Variants in SH3BP5 observed in about 807,000 individuals in gnomAD.
The protein encoded by SH3BP5 is SH3 domain binding protein 5.
In SH3BP5, 22 loss-of-function variants were observed where a neutral mutation model predicts 43.3. The observed-to-expected ratio is 0.51, with a 90% confidence interval of 0.36 to 0.73. SH3BP5 has a LOEUF of 0.73. SH3BP5 is among the 30% of genes least tolerant of loss of function. The pLI is 0.00. For synonymous variants in SH3BP5, 255 were observed against 225.8 expected (o/e 1.13, Z -1.16); for missense variants, 529 against 586.9 (o/e 0.90, Z 1.02).
intron 3 of SH3BP5, among the ~76,000 whole-genome samples, chr3:15,286,157 A>C (rs1289460465): frequency 2.0e-5 from 3 of 152,208 alleles, no homozygotes; most frequent in African/African-American, 7.2e-5. Flanking sequence ...AAGGGCATAC[A>C]CAGCTAGTGG....
At chr3:15,316,686 T>C (rs1698194650) in intron 2 of SH3BP5, among the ~76,000 whole-genome samples, 2 of 152,062 alleles carry the variant, frequency 1.3e-5, no homozygotes, top group Admixed American at 6.6e-5. Context: ...CCTCGAATTT[T>C]TTTATGATAT....
intron 2 of SH3BP5, among the ~76,000 whole-genome samples, chr3:15,329,530 G>A (rs1418107323): frequency 9.2e-5 from 14 of 152,192 alleles, no homozygotes. Context: ...CATCCACATT[G>A]CTGCATCCAG....
intron 2 of SH3BP5, among the ~76,000 whole-genome samples, chr3:15,324,856 CAAAAA>C (rs373214083): frequency 1.8e-5 from 2 of 114,238 alleles, no homozygotes; most frequent in Non-Finnish European, 1.8e-5. Flanking sequence ...TCCTTGGGTC[CAAAAA>C]AAAAAAAAAA....
intron 3 of SH3BP5, among the ~76,000 whole-genome samples, chr3:15,298,445 C>A (rs745556420): frequency 6.6e-6 from 1 of 152,186 alleles, no homozygotes; most frequent in Non-Finnish European, 1.5e-5. Flanking sequence ...GCCCCACAGA[C>A]ACAAAACAGG....
chr3:15,267,566 GCCCTT>G (rs1171853450), intron 4 of SH3BP5, among the ~76,000 whole-genome samples: 1 of 152,148 alleles, frequency 6.6e-6, no homozygotes, highest in Admixed American at 6.5e-5. Flanking sequence ...AACCAAATGG[GCCCTT>G]CCCTTCAGTG....
intron 3 of SH3BP5, among the ~76,000 whole-genome samples, chr3:15,289,018 G>A (rs764486465): frequency 4.6e-5 from 7 of 152,162 alleles, no homozygotes; most frequent in Non-Finnish European, 8.8e-5. Flanking sequence ...CCATAGATAC[G>A]GAGATACAGG....
intron 2 of SH3BP5, among the ~76,000 whole-genome samples, chr3:15,320,889 C>T (rs550057721): frequency 6.6e-5 from 10 of 152,134 alleles, no homozygotes; most frequent in Non-Finnish European, 1.2e-4. Flanking sequence ...GTAGGAAAGT[C>T]GGCGTGTACT....
chr3:15,265,458 A>G (rs1696599290), intron 4 of SH3BP5, among the ~76,000 whole-genome samples: 1 of 148,450 alleles, frequency 6.7e-6, no homozygotes, highest in South Asian at 2.1e-4. Flanking sequence ...GGAGGTTGCA[A>G]TGAGCCAAGA....
At chr3:15,271,408 G>T (rs967617111) in intron 3 of SH3BP5, among the ~76,000 whole-genome samples, 5 of 152,000 alleles carry the variant, frequency 3.3e-5, no homozygotes, top group Non-Finnish European at 7.4e-5. Flanking sequence ...GGCTGGGCAC[G>T]GTGGCTCAAA....
intron 3 of SH3BP5, among the ~76,000 whole-genome samples, chr3:15,286,233 G>C (rs1201703528): frequency 2.0e-5 from 3 of 152,222 alleles, no homozygotes; most frequent in Admixed American, 2.0e-4. Flanking sequence ...GATGGGAATG[G>C]CCTAGTGACA....
chr3:15,277,637 A>C (rs939341468), intron 3 of SH3BP5, among the ~76,000 whole-genome samples: 1 of 152,128 alleles, frequency 6.6e-6, no homozygotes, highest in African/African-American at 2.4e-5. Flanking sequence ...CCCCATTCAC[A>C]GGGGAGCCAG....
At chr3:15,315,938 T>C (rs1460073941) in intron 2 of SH3BP5, among the ~76,000 whole-genome samples, 2 of 152,228 alleles carry the variant, frequency 1.3e-5, no homozygotes, top group East Asian at 1.9e-4. Flanking sequence ...CATCCACTTA[T>C]ATAACCAGAG....
chr3:15,277,812 A>AC (rs113462450), intron 3 of SH3BP5, among the ~76,000 whole-genome samples: 29,730 of 151,784 alleles, frequency 0.2, 3,324 homozygotes, highest in African/African-American at 0.3. Flanking sequence ...GTATGCATAC[A>AC]CCCCCCCAGC....
chr3:15,317,522 G>C (rs184145176), intron 2 of SH3BP5, among the ~76,000 whole-genome samples: 38 of 152,326 alleles, frequency 2.5e-4, no homozygotes, highest in Admixed American at 1.0e-3. Context: ...CATTGGAATA[G>C]AACTAGGGGT....
chr3:15,309,176 G>C (rs982072866), intron 2 of SH3BP5, among the ~76,000 whole-genome samples: 2 of 152,124 alleles, frequency 1.3e-5, no homozygotes, highest in African/African-American at 2.4e-5. Context: ...ATACTACTTG[G>C]TCATAGAAAT....
rs1230359433 is a variant in SH3BP5, at chr3:15,292,635, G to T, written c.330+11468C>A. ...AGGCCAAGGTGGGTGGATCACCTGA[G>T]GTCAAGAGTTTGAGACCAGCCTGAC... is the stretch of plus-strand genomic sequence containing the variant. On this transcript the variant is annotated intron_variant, in intron 3 of 8. Coordinates refer to ENST00000383791, the MANE Select transcript of SH3BP5 (RefSeq NM_004844.5). 2.0e-5 allele frequency among the ~76,000 whole-genome samples: 3 copies of T among 152,218 alleles called. No individual in the cohort carries two copies. The East Asian group carries it at 5.8e-4, about 29-fold the overall frequency.
Position 15,262,157 on chromosome 3 carries a change from A to T in SH3BP5, c.626+2T>A. ...CCCAGGGAAGGCCCTGTCCAGACTT[A>T]CTTGGACTTGTTGATGGCTCTCTTG... On this transcript the variant is annotated splice_donor_variant, in intron 5 of 8. Coordinates refer to ENST00000383791, the MANE Select transcript of SH3BP5 (RefSeq NM_004844.5). LOFTEE classifies it high-confidence loss of function. 2 of 1,614,112 alleles carry T rather than the reference A, an allele frequency of 1.2e-6. No individual in the cohort carries two copies. Among genetic ancestry groups the T allele is most frequent in the Non-Finnish European group, 1.7e-6 (2 of 1,179,972 alleles).
At chr3:15,337,549 A>G (rs1698715590), upstream of SH3BP5, among the ~76,000 whole-genome samples, 1 of 152,146 alleles carries the variant, frequency 6.6e-6, no homozygotes, top group Non-Finnish European at 1.5e-5. Context: ...TTCTGGGGCC[A>G]GTTTGAGGGT....
intron 3 of SH3BP5, among the ~76,000 whole-genome samples, chr3:15,295,730 T>A (rs1365692094): frequency 6.6e-6 from 1 of 152,156 alleles, no homozygotes; most frequent in Non-Finnish European, 1.5e-5. Flanking sequence ...TAAAGTAACA[T>A]CCGCTGTGCA....
Sources: allele counts gnomAD v4.1 joint callset (sites outside exome capture counted in the v4.1 genomes callset), GRCh38; gene constraint gnomAD v4.1.1; transcripts MANE v1.5; gene names NCBI Gene and HGNC (gene_info 2026-07-23, HGNC 2026-07-21).